FLT3: variants seen among roughly 807,000 people sequenced by gnomAD.
FLT3 encodes receptor-type tyrosine-protein kinase FLT3.
Under a neutral mutation model 126.6 loss-of-function variants are expected in FLT3, and 46 were observed. The observed-to-expected ratio is 0.36, with a 90% confidence interval of 0.29 to 0.46. The LOEUF (loss-of-function observed/expected upper bound fraction) is 0.46. Among genes scored for constraint, FLT3 ranks in the 20% least tolerant of loss-of-function variants. The pLI, the probability that FLT3 is intolerant of heterozygous loss-of-function variation, is 1.00. For missense variants in FLT3, 1,069 were observed against 1,190.3 expected (o/e 0.90, Z 1.50); for synonymous variants, 404 against 434.4 (o/e 0.93, Z 0.87).
chr13:28,058,390 T>C (rs1876227693), intron 3 of FLT3, among the ~76,000 whole-genome samples: 1 of 151,874 alleles, frequency 6.6e-6, no homozygotes. Flanking sequence ...CGCATGCCTG[T>C]AATCCCAGCT....
At chr13:28,036,966 A>G (rs1460777974) in intron 10 of FLT3, among the ~76,000 whole-genome samples, 1 of 152,196 alleles carries the variant, frequency 6.6e-6, no homozygotes, top group African/African-American at 2.4e-5. Context: ...GTAGAGTGAG[A>G]CCTGGTCTTA....
At chr13:28,046,266 T>C (rs967936985) in intron 9 of FLT3, among the ~76,000 whole-genome samples, 1 of 152,216 alleles carries the variant, frequency 6.6e-6, no homozygotes, top group Non-Finnish European at 1.5e-5. Context: ...GACAACTCCA[T>C]GCAAACCCTG....
intron 20 of FLT3, among the ~76,000 whole-genome samples, chr13:28,016,597 G>A (rs1009628828): frequency 7.2e-5 from 11 of 152,114 alleles, no homozygotes; most frequent in South Asian, 2.1e-4. Context: ...ATGGGTTGAC[G>A]AGTCCTTCAC....
intron 1 of FLT3, among the ~76,000 whole-genome samples, chr13:28,089,513 A>T (rs1037731602): frequency 2.6e-5 from 4 of 152,128 alleles, no homozygotes; most frequent in African/African-American, 9.7e-5. Flanking sequence ...ATACAATAGG[A>T]TACTACTCAG....
intron 9 of FLT3, 47 bp downstream of exon 9, chr13:28,048,228 G>A: frequency 1.4e-6 from 2 of 1,480,776 alleles, no homozygotes; most frequent in South Asian, 2.4e-5. Flanking sequence ...CGACAAGCAA[G>A]GAGAATTATG....
At position 28,091,207 on chromosome 13, in the gene FLT3, C is replaced by CTTTTTTTTTTTT; in HGVS notation, c.43+9249_43+9260dup. ...ATTTATCCTCTTTGGGCCCCATTTT[C>CTTTTTTTTTTTT]TTTTTTTTTTTTTTTTTTTTTTTTT... On this transcript the variant is annotated intron_variant, in intron 1 of 23. Coordinates refer to ENST00000241453, the MANE Select transcript of FLT3 (RefSeq NM_004119.3). Among the ~76,000 whole-genome samples, 197 of 36,578 alleles carry CTTTTTTTTTTTT rather than the reference C, an allele frequency of 5.4e-3. 38 individuals carry two copies. Among genetic ancestry groups the CTTTTTTTTTTTT allele is most frequent in the African/African-American group, 7.8e-3 (69 of 8,814 alleles). The allele number at this position is 36,578 out of a possible 152,430, so 24.0% of individuals were successfully genotyped here. A position where few individuals can be genotyped will look rare whatever the true frequency, so the allele number is the denominator to read the frequency against.
At chr13:28,023,858 G>C (rs561092692) in intron 18 of FLT3, among the ~76,000 whole-genome samples, 96 of 151,886 alleles carry the variant, frequency 6.3e-4, no homozygotes, top group Non-Finnish European at 1.2e-3. Flanking sequence ...GCAGTGACAC[G>C]ATCTTGGCCT....
rs1593240928 is a variant in FLT3 at position 28,034,294 on chromosome 13, C to T, written c.1704+7G>A. 6.2e-7 allele frequency: 1 copy of T among 1,612,842 alleles called. No homozygotes were observed. Among genetic ancestry groups the T allele is most frequent in the Non-Finnish European group, 8.5e-7 (1 of 1,178,916 alleles). ...AAAGAATAATGAATTTTTACCTTTGCTTTTACCTTTTTGTACTTGTGACAA... is the reference window on the plus strand; with the variant it reads ...AAAGAATAATGAATTTTTACCTTTGTTTTTACCTTTTTGTACTTGTGACAA... On this transcript the variant is annotated splice_region_variant and intron_variant, in intron 13 of 23. Coordinates refer to ENST00000241453, the MANE Select transcript of FLT3 (RefSeq NM_004119.3).
chr13:28,074,517 T>C (rs897383360), intron 1 of FLT3, among the ~76,000 whole-genome samples: 2 of 152,230 alleles, frequency 1.3e-5, no homozygotes, highest in African/African-American at 2.4e-5. Context: ...AGAGCTTTTA[T>C]GTTCCCACTC....
chr13:28,070,575 A>G lies in FLT3; in HGVS notation c.81T>C (p.Asn27=), dbSNP rs188418054. ...FSAMIFGTIT[N]QDLPVIKCVL... ...CACACTTGATCACAGGCAGATCTTG[A>G]TTTGTAATAGTCCCAAATATCATTG... Residue 27 remains asparagine, a synonymous_variant, in exon 2 of 24, where the codon AAT becomes AAC. Coordinates refer to ENST00000241453, the MANE Select transcript of FLT3 (RefSeq NM_004119.3). 2 of 1,604,268 alleles carry G rather than the reference A, an allele frequency of 1.2e-6. No homozygotes were observed. Among genetic ancestry groups the G allele is most frequent in the East Asian group, 4.5e-5 (2 of 44,764 alleles).
intron 1 of FLT3, among the ~76,000 whole-genome samples, chr13:28,094,557 T>A (rs1490327270): frequency 6.6e-6 from 1 of 152,210 alleles, no homozygotes; most frequent in African/African-American, 2.4e-5. Context: ...TAGAGTACAG[T>A]GGCATGGTCG....
At chr13:28,007,301 C>T (rs564232175) in intron 23 of FLT3, among the ~76,000 whole-genome samples, 1 of 152,102 alleles carries the variant, frequency 6.6e-6, no homozygotes, top group Non-Finnish European at 1.5e-5. Context: ...GGCTGGAGTA[C>T]AGTGGTGCAA....
chr13:28,027,290 A>C, intron 16 of FLT3, 49 bp from the exon 17 acceptor site: 1 of 1,488,642 alleles, frequency 6.7e-7, no homozygotes. Flanking sequence ...GCAAACTGTT[A>C]TTTCAGAAGT....
intron 9 of FLT3, among the ~76,000 whole-genome samples, chr13:28,047,216 C>T (rs1874962397): frequency 6.6e-6 from 1 of 152,192 alleles, no homozygotes; most frequent in Admixed American, 6.5e-5. Context: ...TTCAACAGAC[C>T]ACATGCTGAG....
rs2137652422 is a variant in FLT3, at chr13:28,027,206, C to A, written c.2089G>T (p.Gly697Cys). 5 of 1,612,468 alleles carry A rather than the reference C, an allele frequency of 3.1e-6. No individual in the cohort carries two copies. The highest frequency in any genetic ancestry group is 4.2e-6 in the Non-Finnish European group (5 of 1,178,712). ...CTTCTTAGATAGTTGAGAAGATCAC[C>A]ATAGCAACAGTATTCAAAAATCAAG... is the stretch of plus-strand genomic sequence containing the variant. ...IYLIFEYCCY[G>C]DLLNYLRSKR... is the part of the protein sequence containing the mutation. The change falls in exon 17 of 24, where the codon GGT (glycine) becomes TGT (cysteine). Residue 697 changes from glycine to cysteine, a missense_variant. By Grantham distance (159) the Gly-to-Cys change is radical. Coordinates refer to ENST00000241453, the MANE Select transcript of FLT3 (RefSeq NM_004119.3).
intron 9 of FLT3, among the ~76,000 whole-genome samples, chr13:28,047,807 A>T (rs940608654): frequency 6.6e-6 from 1 of 152,222 alleles, no homozygotes; most frequent in South Asian, 2.1e-4. Context: ...TCCCGAGGAA[A>T]ACAACATTTT....
At chr13:28,045,533 A>G (rs957579978) in intron 9 of FLT3, among the ~76,000 whole-genome samples, 1 of 152,108 alleles carries the variant, frequency 6.6e-6, no homozygotes, top group African/African-American at 2.4e-5. Context: ...CAACTAGGGT[A>G]AAGAGGGGCT....
In FLT3 at chr13:28,003,582, T is replaced by G. The variant is rs1870624203; in HGVS notation, c.*470A>C. On this transcript the variant is annotated 3_prime_UTR_variant, in exon 24 of 24. Transcript: ENST00000241453. Reference sequence around the variant, plus strand: ...GAACTCCAGTTAAGACTTGCCCTAATTATACCATGTAAATAATTCAATAAT... The same window carrying G: ...GAACTCCAGTTAAGACTTGCCCTAAGTATACCATGTAAATAATTCAATAAT... The G allele has an allele frequency of 4.1e-6, 1 of 243,150 alleles. No homozygotes were observed. Among genetic ancestry groups the G allele is most frequent in the Admixed American group, 5.1e-5 (1 of 19,694 alleles). 15.1% of individuals were successfully genotyped at this position (243,150 alleles called of 1,614,324 possible).
intron 21 of FLT3, 64 bp downstream of exon 21, chr13:28,015,526 G>GC: frequency 1.4e-6 from 1 of 727,488 alleles, no homozygotes; most frequent in Non-Finnish European, 2.4e-6. Context: ...GGGGTGGGGC[G>GC]GCACCGAGAG....
Sources: allele counts gnomAD v4.1 joint callset (sites outside exome capture counted in the v4.1 genomes callset), GRCh38; gene constraint gnomAD v4.1.1; transcripts MANE v1.5; gene names NCBI Gene and HGNC (gene_info 2026-07-23, HGNC 2026-07-21).